Variants in LY96 observed in about 807,000 individuals in gnomAD.
LY96 encodes lymphocyte antigen 96.
A neutral mutation model predicts 18.9 loss-of-function variants in LY96; 18 were observed. The observed-to-expected ratio is 0.95, with a 90% CI of 0.66 to 1.41. LY96 has a LOEUF of 1.41. LY96 is among the 40% of genes most tolerant of loss of function. LY96 has a pLI of 0.00. For synonymous variants in LY96, 66 were observed against 62.6 expected (o/e 1.06, Z -0.26); for missense variants, 175 against 182.4 (o/e 0.96, Z 0.23).
the LY96 span, among the ~76,000 whole-genome samples, chr8:74,064,538 C>A: frequency 6.6e-6 from 1 of 152,102 alleles, no homozygotes; most frequent in Non-Finnish European, 1.5e-5. Flanking sequence ...ATTTTAAAAG[C>A]GCATGGCACC....
At chr8:74,086,123 T>C in the LY96 span, among the ~76,000 whole-genome samples, 2 of 152,166 alleles carry the variant, frequency 1.3e-5, no homozygotes. Flanking sequence ...CACATATAAG[T>C]GAAATCTTTC....
At position 74,002,058 on chromosome 8, in the gene LY96, CCTTCCTTCCTTCCTTCCTTTCTTT is replaced by C. The variant is rs1315547171; in HGVS notation, c.113-2734_113-2711del. The stretch of plus-strand genomic sequence containing the variant: ...TCCTTCCTTCCTTCCTTCCTTCCTT[CCTTCCTTCCTTCCTTCCTTTCTTT>C]CTTTCTTTCTTTCTCTCTCTCTCTC... On this transcript the variant is annotated intron_variant, in intron 1 of 4. Coordinates refer to ENST00000284818, the MANE Select transcript of LY96 (RefSeq NM_015364.5). Among the ~76,000 whole-genome samples the C allele has an allele frequency of 8.5e-4, 27 of 31,612 alleles. 4 individuals are homozygous for C. Among genetic ancestry groups the C allele is most frequent in the African/African-American group, 3.8e-3 (20 of 5,266 alleles). The allele number at this position is 31,612 out of a possible 152,430, so 20.7% of individuals were successfully genotyped here. A position where few individuals can be genotyped will look rare whatever the true frequency, so the allele number is the denominator to read the frequency against.
downstream of LY96, among the ~76,000 whole-genome samples, chr8:74,031,582 A>C (rs1816970165): frequency 6.6e-6 from 1 of 151,330 alleles, no homozygotes; most frequent in South Asian, 2.1e-4. Context: ...CGGTGAGCCG[A>C]GATCGTGCCA....
the LY96 span, among the ~76,000 whole-genome samples, chr8:74,092,731 T>C: frequency 6.6e-6 from 1 of 152,186 alleles, no homozygotes; most frequent in African/African-American, 2.4e-5. Flanking sequence ...ATCTCACTTG[T>C]CATTGTCACT....
intron 1 of LY96, among the ~76,000 whole-genome samples, chr8:73,992,706 C>T (rs563191531): frequency 1.3e-5 from 2 of 152,266 alleles, no homozygotes; most frequent in African/African-American, 4.8e-5. Context: ...TCCCTCCAAA[C>T]GTATGTCTAA....
At chr8:74,070,985 C>T in the LY96 span, among the ~76,000 whole-genome samples, 11 of 152,066 alleles carry the variant, frequency 7.2e-5, no homozygotes, top group Admixed American at 7.2e-4. Flanking sequence ...ATAATTAAAG[C>T]ATTTAATTCT....
chr8:74,041,609 A>G, the LY96 span, among the ~76,000 whole-genome samples: 1 of 152,162 alleles, frequency 6.6e-6, no homozygotes, highest in Non-Finnish European at 1.5e-5. Flanking sequence ...AAGTCTATAA[A>G]CGGCCGCTCT....
At chr8:74,038,116 T>C in the LY96 span, among the ~76,000 whole-genome samples, 4 of 152,348 alleles carry the variant, frequency 2.6e-5, no homozygotes, top group East Asian at 7.7e-4. Flanking sequence ...TATTTTGATA[T>C]AGATATGCAA....
chr8:74,049,099 G>T, the LY96 span, among the ~76,000 whole-genome samples: 1 of 152,158 alleles, frequency 6.6e-6, no homozygotes, highest in Non-Finnish European at 1.5e-5. Flanking sequence ...TGTGATTATT[G>T]ATTAATAGCT....
chr8:74,022,678 A>C (rs1002457166), intron 3 of LY96, among the ~76,000 whole-genome samples: 2 of 150,176 alleles, frequency 1.3e-5, no homozygotes, highest in South Asian at 4.2e-4. Context: ...TCCCAGGTTC[A>C]AAAGATTCTC....
At chr8:74,066,600 G>A in the LY96 span, among the ~76,000 whole-genome samples, 35 of 152,126 alleles carry the variant, frequency 2.3e-4, no homozygotes, top group Non-Finnish European at 4.9e-4. Flanking sequence ...GTAGAGTCTA[G>A]GCTTTTAAAG....
the LY96 span, among the ~76,000 whole-genome samples, chr8:74,054,617 C>CTTCCTTCTTTCT: frequency 0.031 from 2,145 of 70,108 alleles, 50 homozygotes; most frequent in Middle Eastern, 0.082. Flanking sequence ...TTTCCTTTTC[C>CTTCCTTCTTTCT]TTCTTTCTTT....
the LY96 span, among the ~76,000 whole-genome samples, chr8:74,051,927 C>T: frequency 2.0e-5 from 3 of 152,150 alleles, no homozygotes; most frequent in Non-Finnish European, 4.4e-5. Context: ...CTCCCTAATT[C>T]AAATTATTGA....
the LY96 span, among the ~76,000 whole-genome samples, chr8:74,036,077 T>C: frequency 6.6e-6 from 1 of 152,178 alleles, no homozygotes; most frequent in Non-Finnish European, 1.5e-5. Flanking sequence ...AGGGATACTT[T>C]TGGGTTCACA....
downstream of LY96, among the ~76,000 whole-genome samples, chr8:74,032,621 C>T (rs1340387986): frequency 3.3e-5 from 5 of 152,182 alleles, no homozygotes; most frequent in Middle Eastern, 3.2e-3. Context: ...TGAGTCTGCC[C>T]GGTGCTTCCA....
At chr8:74,049,987 C>T in the LY96 span, among the ~76,000 whole-genome samples, 1 of 152,106 alleles carries the variant, frequency 6.6e-6, no homozygotes, top group South Asian at 2.1e-4. Context: ...CACTGAACTC[C>T]AGCCTGGGCA....
chr8:74,054,330 C>T, the LY96 span, among the ~76,000 whole-genome samples: 1 of 151,908 alleles, frequency 6.6e-6, no homozygotes, highest in South Asian at 2.1e-4. Context: ...GCTTGGCCAA[C>T]TTCTTTTTAA....
At chr8:73,992,044 G>A (rs1816015495) in intron 1 of LY96, among the ~76,000 whole-genome samples, 1 of 152,178 alleles carries the variant, frequency 6.6e-6, no homozygotes, top group African/African-American at 2.4e-5. Context: ...CTTAAGCAAA[G>A]TACTCCAGCC....
At chr8:74,066,321 A>G in the LY96 span, among the ~76,000 whole-genome samples, 7,082 of 152,010 alleles carry the variant, frequency 0.047, 415 homozygotes, top group African/African-American at 0.13. Context: ...CCTCCTGAAG[A>G]CCCCACATAT....
Sources: gnomAD v4.1 joint callset for allele counts (sites outside exome capture counted in the v4.1 genomes callset) on GRCh38, gnomAD v4.1.1 for gene constraint, MANE v1.5 for transcripts, NCBI Gene and HGNC (gene_info 2026-07-23, HGNC 2026-07-21) for gene names.